The following RPS15A variants were observed in gnomAD, a reference collection of about 807,000 sequenced individuals.
RPS15A encodes the protein small ribosomal subunit protein uS8.
For missense variants in RPS15A, 62 were observed against 163.4 expected (o/e 0.38, Z 3.38); for synonymous variants, 55 against 58.5 (o/e 0.94, Z 0.27).
intron 2 of RPS15A, 125 bp downstream of exon 2, chr16:18,788,856 C>T: frequency 1.0e-6 from 1 of 991,020 alleles, no homozygotes; most frequent in Non-Finnish European, 1.5e-6. Context: ...CCACAGCCCA[C>T]AGGTCAATTG....
At position 18,787,014 on chromosome 16, in the gene RPS15A, G is replaced by A. The variant is rs1439717907; in HGVS notation, c.213+1049C>T. Among the ~76,000 whole-genome samples, 10 of 152,214 alleles carry A rather than the reference G, an allele frequency of 6.6e-5. No individual in the cohort carries two copies. In the South Asian group the frequency reaches 1.5e-3, roughly 22 times the overall value. ...GGAGTACCTGGGATTACAAGCGCCC[G>A]CCACTGCGCCTGGCTAGTTTTTCTA... On this transcript the variant is annotated intron_variant, in intron 3 of 4. Transcript: ENST00000322989.
Position 18,790,229 on chromosome 16 carries a change from A to C in RPS15A, c.-6+15T>G, listed in dbSNP as rs1202484751. On this transcript the variant is annotated intron_variant, in intron 1 of 4. Coordinates refer to ENST00000322989, the MANE Select transcript of RPS15A (RefSeq NM_001019.5). ...AGGTGGGGACCAGCCTCCTCGCAGG[A>C]CACCGAGACCGAACCTTAGATTGCA... 6.6e-6 allele frequency: 1 copy of C among 152,288 alleles called. No individual in the cohort carries two copies. Among genetic ancestry groups the C allele is most frequent in the African/African-American group, 2.4e-5 (1 of 41,348 alleles). 9.4% of individuals were successfully genotyped at this position (152,288 alleles called of 1,614,324 possible).
intron 2 of RPS15A, 143 bp downstream of exon 2, chr16:18,788,838 C>G (rs2029954266): frequency 1.7e-5 from 14 of 809,774 alleles, no homozygotes; most frequent in Admixed American, 8.3e-5. Context: ...TTCAGACTAT[C>G]CCCTCCTCCA....
rs904582112 is a variant in RPS15A, at chr16:18,781,404, G to A, written c.*1605C>T. On this transcript the variant is annotated 3_prime_UTR_variant, in exon 5 of 5. Transcript: ENST00000322989. ...GCATCCCTACACACCAGGTTTGCAG[G>A]CTAGGGACCAGAGACACGATGGTTA... is the stretch of plus-strand genomic sequence containing the variant. 7 of 151,668 alleles carry A rather than the reference G, an allele frequency of 4.6e-5. No homozygotes were observed. Among genetic ancestry groups the A allele is most frequent in the African/African-American group, 1.5e-4 (6 of 41,242 alleles). 9.4% of individuals were successfully genotyped at this position (151,668 alleles called of 1,614,324 possible).
At chr16:18,788,496 T>C in intron 2 of RPS15A, 1 of 201,678 alleles carries the variant, frequency 5.0e-6, no homozygotes, top group Non-Finnish European at 1.0e-5. Context: ...TTTCTTTCTT[T>C]TTTTTTTTTT....
Position 18,783,098 on chromosome 16 carries a change from T to C in RPS15A, c.304A>G (p.Ile102Val). ...ATGCCAGCTGAGGTTGTCAGTACAATGAAACTATGGAGTGGAAAAAGAAAG... is the reference window on the plus strand; with the variant it reads ...ATGCCAGCTGAGGTTGTCAGTACAACGAAACTATGGAGTGGAAAAAGAAAG... ...NLLPSRQFGF[I>V]VLTTSAGIMD... Residue 102 changes from isoleucine (I) to valine (V), a missense_variant, in exon 5 of 5, where the codon ATT becomes GTT. Transcript: ENST00000322989. 6.2e-7 allele frequency: 1 copy of C among 1,606,032 alleles called. No individual in the cohort carries two copies. The highest frequency in any genetic ancestry group is 8.5e-7 in the Non-Finnish European group (1 of 1,174,714).
Position 18,789,042 on chromosome 16 carries a change from C to A in RPS15A, c.72G>T (p.Gln24His). The change falls in exon 2 of 5, where the codon CAG becomes CAT. Residue 24 changes from glutamine (Q) to histidine (H), a missense_variant. Transcript: ENST00000322989. The stretch of plus-strand genomic sequence containing the variant: ...CTTTGGAGCACGGCCTAATAAGCAC[C>A]TGGCGTTTGCCTCTCTTTTCGGCAT... ...INNAEKRGKR[Q>H]VLIRPCSKVI... is the part of the protein sequence containing the mutation. 6.2e-7 allele frequency: 1 copy of A among 1,614,210 alleles called. No individual in the cohort carries two copies. Among genetic ancestry groups the A allele is most frequent in the Non-Finnish European group, 8.5e-7 (1 of 1,180,024 alleles).
chr16:18,783,517 A>G (rs891288470), intron 4 of RPS15A: 1 of 377,186 alleles, frequency 2.7e-6, no homozygotes, highest in African/African-American at 2.1e-5. Context: ...TCATTTGTAC[A>G]ATGAGTGGCT....
At chr16:18,789,618 T>C (rs2029980867) in intron 1 of RPS15A, among the ~76,000 whole-genome samples, 1 of 152,204 alleles carries the variant, frequency 6.6e-6, no homozygotes, top group Non-Finnish European at 1.5e-5. Flanking sequence ...TGAACACATC[T>C]AACTATTAAA....
In RPS15A at chr16:18,789,109, A is replaced by C. The variant is rs1212295352; in HGVS notation, c.5T>G (p.Val2Gly). The C allele has an allele frequency of 5.0e-6, 8 of 1,612,568 alleles. No individual in the cohort carries two copies. The change falls in exon 2 of 5, where the codon GTG (valine) becomes GGG (glycine). Residue 2 changes from valine to glycine, a missense_variant. Physicochemically the swap from Val to Gly is moderately radical, Grantham distance 109. Coordinates refer to ENST00000322989, the MANE Select transcript of RPS15A (RefSeq NM_001019.5). ...AGCATCTGCCAGGACATTCATGCGCACCATTGTGGCTGTTCAAGGAAGACA... is the reference window on the plus strand; with the variant it reads ...AGCATCTGCCAGGACATTCATGCGCCCCATTGTGGCTGTTCAAGGAAGACA... The part of the protein sequence containing the change: M[V>G]RMNVLADALK...
intron 3 of RPS15A, 91 bp downstream of exon 3, chr16:18,787,972 A>G: frequency 1.2e-6 from 1 of 804,298 alleles, no homozygotes. Flanking sequence ...GTATGGCACC[A>G]CTACTCAGTA....
chr16:18,784,051 T>A (rs893619640), intron 4 of RPS15A: 1 of 203,294 alleles, frequency 4.9e-6, no homozygotes, highest in African/African-American at 2.3e-5. Context: ...TAAGCTCTCA[T>A]GTGCCTCTCA....
At chr16:18,786,355 C>T (rs914681918) in intron 3 of RPS15A, 15 of 157,712 alleles carry the variant, frequency 9.5e-5, no homozygotes, top group Non-Finnish European at 2.1e-4. Flanking sequence ...GAGTGAGACT[C>T]CGTCTCAAAA....
intron 4 of RPS15A, 173 bp downstream of exon 4, chr16:18,784,563 AAG>A (rs1567286756): frequency 3.5e-5 from 20 of 571,310 alleles, no homozygotes; most frequent in South Asian, 3.4e-4. Flanking sequence ...TCTCTTTTTA[AAG>A]AGAGAGAAAA....
At chr16:18,785,438 C>CA (rs1289918337) in intron 3 of RPS15A, 6 of 152,172 alleles carry the variant, frequency 3.9e-5, no homozygotes, top group Non-Finnish European at 8.8e-5. Flanking sequence ...GACATGGCAA[C>CA]AATGATCCTC....
At chr16:18,787,906 A>G in intron 3 of RPS15A, 157 bp downstream of exon 3, 1 of 624,988 alleles carries the variant, frequency 1.6e-6, no homozygotes, top group Non-Finnish European at 2.8e-6. Context: ...CCAGGAGAGC[A>G]AATGAAGTTC....
In RPS15A at chr16:18,789,011, C is replaced by A. The variant is rs754605913; in HGVS notation, c.103G>T (p.Val35Phe). ...VLIRPCSKVI[V>F]RFLTVMMKHG... is the part of the protein sequence containing the mutation. Reference sequence around the variant, plus strand: ...TTCATCATCACAGTGAGAAACCGGACGATGACTTTGGAGCACGGCCTAATA... The same window carrying A: ...TTCATCATCACAGTGAGAAACCGGAAGATGACTTTGGAGCACGGCCTAATA... Residue 35 changes from valine to phenylalanine, a missense_variant, in exon 2 of 5, where the codon GTC becomes TTC. Transcript: ENST00000322989. The A allele has an allele frequency of 1.2e-6, 2 of 1,613,840 alleles. No individual in the cohort carries two copies. Among genetic ancestry groups the A allele is most frequent in the Non-Finnish European group, 8.5e-7 (1 of 1,179,958 alleles).
chr16:18,783,083 A>C lies in RPS15A; in HGVS notation c.319T>G (p.Ser107Ala). 6.2e-7 allele frequency: 1 copy of C among 1,608,478 alleles called. No homozygotes were observed. The highest frequency in any genetic ancestry group is 1.1e-5 in the South Asian group (1 of 90,968). Reference sequence around the variant, plus strand: ...TCTTCATGGTCCATGATGCCAGCTGAGGTTGTCAGTACAATGAAACTATGG... The same window carrying C: ...TCTTCATGGTCCATGATGCCAGCTGCGGTTGTCAGTACAATGAAACTATGG... ...RQFGFIVLTT[S>A]AGIMDHEEAR... Residue 107 changes from serine (S) to alanine (A), a missense_variant, in exon 5 of 5, where the codon TCA (serine) becomes GCA (alanine). Transcript: ENST00000322989.
chr16:18,783,811 G>A (rs961176452), intron 4 of RPS15A: 16 of 420,150 alleles, frequency 3.8e-5, no homozygotes, highest in East Asian at 1.4e-4. Context: ...CCACTTTTAC[G>A]GATGAAGAAA....
Sources: gnomAD v4.1 joint callset for allele counts (sites outside exome capture counted in the v4.1 genomes callset) on GRCh38, gnomAD v4.1.1 for gene constraint, MANE v1.5 for transcripts, NCBI Gene and HGNC (gene_info 2026-07-23, HGNC 2026-07-21) for gene names.